The following LAMA3 variants were observed in gnomAD, a reference collection of about 807,000 sequenced individuals.
The protein encoded by LAMA3 is laminin subunit alpha 3.
A neutral mutation model predicts 402.0 loss-of-function variants in LAMA3; 281 were observed. That is an observed-to-expected ratio of 0.70 (90% CI 0.63 to 0.77). LAMA3 has a LOEUF of 0.77. Among genes scored for constraint, LAMA3 ranks in the 30% least tolerant of loss-of-function variants. The pLI is 0.00. For missense variants in LAMA3, 3,840 were observed against 4,215.5 expected (o/e 0.91, Z 2.47); for synonymous variants, 1,431 against 1,558.4 (o/e 0.92, Z 1.93).
intron 13 of LAMA3, among the ~76,000 whole-genome samples, chr18:23,811,741 G>A (rs1460485484): frequency 6.6e-6 from 1 of 152,120 alleles, no homozygotes; most frequent in Non-Finnish European, 1.5e-5. Context: ...GAAAGAGAGG[G>A]CAGGGTGGCT....
At chr18:23,820,046 T>G in intron 19 of LAMA3, 49 bp downstream of exon 19, 1 of 1,590,396 alleles carries the variant, frequency 6.3e-7, no homozygotes, top group Non-Finnish European at 8.6e-7. Context: ...CTCAGATACT[T>G]CCCCACACCA....
At chr18:23,803,241 C>T (rs557597567) in intron 12 of LAMA3, among the ~76,000 whole-genome samples, 3 of 152,178 alleles carry the variant, frequency 2.0e-5, no homozygotes, top group Non-Finnish European at 4.4e-5. Context: ...AATTAACCTG[C>T]CACCAGGTAG....
At chr18:23,750,352 C>T (rs1816925005) in intron 4 of LAMA3, among the ~76,000 whole-genome samples, 1 of 149,788 alleles carries the variant, frequency 6.7e-6, no homozygotes, top group South Asian at 2.1e-4. Flanking sequence ...TCTGACAGCT[C>T]ATGAGTGGTT....
At chr18:23,783,927 A>T in intron 11 of LAMA3, 96 bp from the exon 12 acceptor site, 4 of 1,412,386 alleles carry the variant, frequency 2.8e-6, no homozygotes, top group Non-Finnish European at 4.0e-6. Flanking sequence ...GATAATTAAT[A>T]ATCTATATTC....
chr18:23,783,688 C>T (rs1001065979), intron 11 of LAMA3, among the ~76,000 whole-genome samples: 3 of 152,018 alleles, frequency 2.0e-5, no homozygotes, highest in East Asian at 1.9e-4. Flanking sequence ...ATTTAATTCA[C>T]GATTGTCATG....
intron 2 of LAMA3, among the ~76,000 whole-genome samples, chr18:23,739,301 G>A (rs1162128732): frequency 6.6e-6 from 1 of 152,120 alleles, no homozygotes; most frequent in Non-Finnish European, 1.5e-5. Flanking sequence ...TTGGGCAAAG[G>A]GCAAGTTTTA....
chr18:23,817,889 C>T (rs932128837), intron 18 of LAMA3, among the ~76,000 whole-genome samples: 2 of 152,104 alleles, frequency 1.3e-5, no homozygotes, highest in Non-Finnish European at 2.9e-5. Flanking sequence ...TTTCCTGGCT[C>T]GCGCCTGTAA....
In LAMA3 at chr18:23,810,365, G is replaced by C. The variant is rs1206044158; in HGVS notation, c.1604-1G>C. The C allele has an allele frequency of 2.5e-6, 4 of 1,613,934 alleles. No homozygotes were observed. The African/African-American group carries it at 5.3e-5, about 22-fold the overall frequency. ...AAGTCTGATTGAATTCTTTCATCCA[G>C]CCTGCTGGTGTTCAGCCCTTGGATC... is the stretch of plus-strand genomic sequence containing the variant. On this transcript the variant is annotated splice_acceptor_variant, in intron 12 of 74. Coordinates refer to ENST00000313654, the MANE Select transcript of LAMA3 (RefSeq NM_198129.4). LOFTEE classifies it high-confidence loss of function.
intron 39 of LAMA3, 102 bp downstream of exon 39, chr18:23,876,509 C>T: frequency 1.3e-6 from 1 of 760,070 alleles, no homozygotes; most frequent in Non-Finnish European, 2.3e-6. Flanking sequence ...CCCGCCAAAC[C>T]CTAAATAGAG....
intron 12 of LAMA3, among the ~76,000 whole-genome samples, chr18:23,786,320 G>A (rs2062544735): frequency 6.6e-6 from 1 of 152,110 alleles, no homozygotes; most frequent in South Asian, 2.1e-4. Flanking sequence ...TTTCATTTTG[G>A]GAGGGGAAGG....
intron 52 of LAMA3, among the ~76,000 whole-genome samples, chr18:23,906,889 A>G (rs1014560367): frequency 1.3e-5 from 2 of 152,208 alleles, no homozygotes; most frequent in African/African-American, 4.8e-5. Context: ...TGAATCATCA[A>G]GATGGTCTTA....
At chr18:23,886,723 C>T (rs1323586286) in intron 41 of LAMA3, among the ~76,000 whole-genome samples, 1 of 152,064 alleles carries the variant, frequency 6.6e-6, no homozygotes, top group Admixed American at 6.6e-5. Context: ...TTTTGTTTAA[C>T]CGGAAAATGA....
At chr18:23,754,643 G>T (rs1049893667) in intron 6 of LAMA3, among the ~76,000 whole-genome samples, 6 of 152,196 alleles carry the variant, frequency 3.9e-5, no homozygotes, top group African/African-American at 1.4e-4. Flanking sequence ...CTGTGAACAT[G>T]AATGTACCCT....
intron 70 of LAMA3, among the ~76,000 whole-genome samples, chr18:23,949,192 C>G (rs1442270190): frequency 6.6e-6 from 1 of 152,232 alleles, no homozygotes; most frequent in Non-Finnish European, 1.5e-5. Flanking sequence ...CTTATTTTAA[C>G]TCTGCAGCAT....
chr18:23,784,966 C>T (rs2062513910), intron 12 of LAMA3, among the ~76,000 whole-genome samples: 2 of 152,160 alleles, frequency 1.3e-5, no homozygotes, highest in African/African-American at 4.8e-5. Flanking sequence ...TAGGTGCTAG[C>T]CCAGAGGAGT....
intron 41 of LAMA3, among the ~76,000 whole-genome samples, chr18:23,885,655 C>T (rs1330164610): frequency 6.6e-6 from 1 of 151,920 alleles, no homozygotes; most frequent in Non-Finnish European, 1.5e-5. Context: ...GAAGAAAGCA[C>T]ACACATATTT....
intron 68 of LAMA3, 144 bp from the exon 69 acceptor site, chr18:23,943,644 C>T (rs1039135982): frequency 2.4e-5 from 17 of 706,084 alleles, no homozygotes; most frequent in Admixed American, 4.7e-5. Context: ...TCCAGAGAAA[C>T]GGGTCATTTA....
At chr18:23,759,345 A>G (rs1416800613) in intron 7 of LAMA3, among the ~76,000 whole-genome samples, 1 of 151,816 alleles carries the variant, frequency 6.6e-6, no homozygotes, top group Non-Finnish European at 1.5e-5. Flanking sequence ...AAAAAAAAAA[A>G]AAAGAAGAAA....
intron 23 of LAMA3, among the ~76,000 whole-genome samples, chr18:23,828,490 TATACACAC>T (rs1463152266): frequency 2.6e-5 from 4 of 152,318 alleles, no homozygotes; most frequent in Non-Finnish European, 4.4e-5. Flanking sequence ...GCTATGTGTG[TATACACAC>T]ATACACACAT....
Sources: allele counts gnomAD v4.1 joint callset (sites outside exome capture counted in the v4.1 genomes callset), GRCh38; gene constraint gnomAD v4.1.1; transcripts MANE v1.5; gene names NCBI Gene and HGNC (gene_info 2026-07-23, HGNC 2026-07-21).